POU6F2: variants seen among roughly 807,000 people sequenced by gnomAD.
POU6F2 encodes POU domain, class 6, transcription factor 2.
A neutral mutation model predicts 71.3 loss-of-function variants in POU6F2; 31 were observed. That is an observed-to-expected ratio of 0.43 (90% confidence interval 0.33 to 0.59). The LOEUF (loss-of-function observed/expected upper bound fraction) is 0.59, where lower values mean the gene tolerates loss of function less well. Ranked by LOEUF, POU6F2 falls within the 20% of genes least tolerant of loss-of-function variation. The probability of loss-of-function intolerance (pLI) is 0.04; values close to 1 mark genes in which losing one functional copy is unlikely to be tolerated. For synonymous variants in POU6F2, 347 were observed against 355.7 expected (o/e 0.98, Z 0.27); for missense variants, 783 against 856.8 (o/e 0.91, Z 1.07).
At chr7:39,131,525 C>T (rs943689579) in intron 2 of POU6F2, among the ~76,000 whole-genome samples, 10 of 152,104 alleles carry the variant, frequency 6.6e-5, no homozygotes, top group Non-Finnish European at 1.3e-4. Flanking sequence ...AGGCGGCCAC[C>T]CTTTAAGAAG....
intron 2 of POU6F2, among the ~76,000 whole-genome samples, chr7:39,139,358 A>G (rs1223499194): frequency 6.6e-6 from 1 of 152,134 alleles, no homozygotes; most frequent in Admixed American, 6.5e-5. Flanking sequence ...TGATGGGCTG[A>G]TGTTTGCTGT....
rs749386487 is a variant in POU6F2, at chr7:39,433,169, C to T, written c.1206C>T (p.Pro402=). 4 of 1,613,898 alleles carry T rather than the reference C, an allele frequency of 2.5e-6. No individual in the cohort carries two copies. Among genetic ancestry groups the T allele is most frequent in the Non-Finnish European group, 3.4e-6 (4 of 1,179,874 alleles). Reference sequence around the variant, plus strand: ...GCTTGCAAGTGCAGCCAATCACCCCCCAGCTCCTCACAAACGCCCAGGGCC... The same window carrying T: ...GCTTGCAAGTGCAGCCAATCACCCCTCAGCTCCTCACAAACGCCCAGGGCC... ...TQGLQVQPIT[P]QLLTNAQGQI... is the part of the protein sequence containing the mutation. The change falls in exon 7 of 10, where the codon CCC becomes CCT. Residue 402 remains proline, a synonymous_variant. Transcript: ENST00000518318.
intron 1 of POU6F2, among the ~76,000 whole-genome samples, chr7:39,012,077 C>T (rs913410762): frequency 3.0e-4 from 45 of 151,958 alleles, no homozygotes; most frequent in African/African-American, 9.9e-4. Context: ...GCCTGCCTTG[C>T]TAGATTGGGG....
chr7:39,285,392 G>T lies in POU6F2; in HGVS notation c.599-54250G>T, dbSNP rs117683684. ...CATGCTCATCGTATGTCGTGTATTA[G>T]TCACTCACAGTTTTCTGCCCAACTC... On this transcript the variant is annotated intron_variant, in intron 4 of 9. Coordinates refer to ENST00000518318, the MANE Select transcript of POU6F2 (RefSeq NM_001370959.1). 2.1e-3 allele frequency among the ~76,000 whole-genome samples: 317 copies of T among 152,280 alleles called. 3 individuals are homozygous for T. In the East Asian group the frequency reaches 0.03, roughly 14 times the overall value.
intron 6 of POU6F2, among the ~76,000 whole-genome samples, chr7:39,430,463 T>C (rs1788073111): frequency 6.6e-6 from 1 of 152,010 alleles, no homozygotes; most frequent in Non-Finnish European, 1.5e-5. Flanking sequence ...AAGGACAGGG[T>C]GGGGAGGAAC....
chr7:39,181,840 C>T (rs1294532831), intron 2 of POU6F2, among the ~76,000 whole-genome samples: 2 of 152,176 alleles, frequency 1.3e-5, no homozygotes, highest in Admixed American at 6.5e-5. Context: ...CTCTTCCAGC[C>T]CCAAAGATGA....
At chr7:39,015,170 C>T (rs901773829) in intron 1 of POU6F2, among the ~76,000 whole-genome samples, 1 of 148,836 alleles carries the variant, frequency 6.7e-6, no homozygotes, top group African/African-American at 2.5e-5. Flanking sequence ...AATTTATTTC[C>T]TCTTTTAAAA....
intron 1 of POU6F2, chr7:38,984,364 G>GA: frequency 6.6e-6 from 1 of 152,206 alleles, no homozygotes; most frequent in East Asian, 1.9e-4. Context: ...AGTAATAAGT[G>GA]AAAAGCGAAA....
chr7:38,979,897 T>C (rs527841706), intron 1 of POU6F2, among the ~76,000 whole-genome samples: 95 of 152,258 alleles, frequency 6.2e-4, no homozygotes, highest in African/African-American at 2.3e-3. Flanking sequence ...TCACTTGTAG[T>C]TTGTTATTCA....
intron 4 of POU6F2, among the ~76,000 whole-genome samples, chr7:39,210,320 G>A (rs1044619981): frequency 4.6e-5 from 7 of 151,898 alleles, no homozygotes; most frequent in East Asian, 1.9e-4. Context: ...GAAACAGTTC[G>A]GCCAACTGGA....
intron 2 of POU6F2, among the ~76,000 whole-genome samples, chr7:39,181,684 T>C (rs957229385): frequency 6.6e-6 from 1 of 152,166 alleles, no homozygotes; most frequent in African/African-American, 2.4e-5. Context: ...TTTCAATGAC[T>C]GTCTAAAACG....
intron 1 of POU6F2, chr7:38,984,501 T>G (rs570549050): frequency 3.3e-5 from 5 of 152,154 alleles, no homozygotes; most frequent in Non-Finnish European, 7.4e-5. Context: ...TTCTAAGTTA[T>G]TTTGTAAGCT....
At position 39,160,072 on chromosome 7, in the gene POU6F2, C is replaced by T. The variant is rs756495750; in HGVS notation, c.278-44163C>T. On this transcript the variant is annotated intron_variant, in intron 2 of 9. Coordinates refer to ENST00000518318, the MANE Select transcript of POU6F2 (RefSeq NM_001370959.1). ...AATTACCAAGGGAGACTGGGAAGTA[C>T]GAGTTGAAGAACTATCAGCAAACAT... Among the ~76,000 whole-genome samples, 5 of 152,072 alleles carry T rather than the reference C, an allele frequency of 3.3e-5. 1 individual carries two copies. The highest frequency in any genetic ancestry group is 2.0e-4 in the Admixed American group (3 of 15,256).
In POU6F2 at chr7:38,989,822, TGTGTTTGTG is replaced by T. The variant is rs1562656515; in HGVS notation, c.105+11765_105+11773del. 1.7e-4 allele frequency among the ~76,000 whole-genome samples: 20 copies of T among 118,406 alleles called. No individual in the cohort carries two copies. The East Asian group carries it at 4.6e-3, about 27-fold the overall frequency. The allele number at this position is 118,406 out of a possible 152,430, so 77.7% of individuals were successfully genotyped here. A position where few individuals can be genotyped will look rare whatever the true frequency, so the allele number is the denominator to read the frequency against. On this transcript the variant is annotated intron_variant, in intron 1 of 9. Coordinates refer to ENST00000518318, the MANE Select transcript of POU6F2 (RefSeq NM_001370959.1). ...GTGTTTGTGTGTGTGTGTGTGTGTG[TGTGTTTGTG>T]TGTGTGTGTGTGTGTGGAAAATTCC...
intron 5 of POU6F2, among the ~76,000 whole-genome samples, chr7:39,394,544 C>T (rs150312865): frequency 6.6e-6 from 1 of 152,292 alleles, no homozygotes; most frequent in East Asian, 1.9e-4. Flanking sequence ...TATTTTCCTT[C>T]TCCCACCTTC....
At chr7:39,039,771 A>C (rs1790142739) in intron 1 of POU6F2, among the ~76,000 whole-genome samples, 1 of 151,342 alleles carries the variant, frequency 6.6e-6, no homozygotes, top group African/African-American at 2.4e-5. Flanking sequence ...ATGTCTACAA[A>C]TTTGGATTTT....
At chr7:39,001,661 G>T (rs578256724) in intron 1 of POU6F2, among the ~76,000 whole-genome samples, 752 of 16,098 alleles carry the variant, frequency 0.047, 13 homozygotes, top group Non-Finnish European at 0.049. Context: ...TGGTGATAAT[G>T]GTGGTGGTGA....
intron 1 of POU6F2, among the ~76,000 whole-genome samples, chr7:39,035,288 A>G (rs1426668024): frequency 1.3e-5 from 2 of 152,148 alleles, no homozygotes; most frequent in Admixed American, 6.5e-5. Context: ...TTTCCCCTCC[A>G]GAATAAAAGT....
In POU6F2 at chr7:39,343,438, A is replaced by G. The variant is rs1785963877; in HGVS notation, c.972+3423A>G. Among the ~76,000 whole-genome samples, 3 of 152,126 alleles carry G rather than the reference A, an allele frequency of 2.0e-5. 1 individual carries two copies. In the South Asian group the frequency reaches 6.2e-4, roughly 32 times the overall value. On this transcript the variant is annotated intron_variant, in intron 5 of 9. Transcript: ENST00000518318. ...AAAAAAAAAAAAAATTCAATACGTA[A>G]TTTTAATCTGGATAGAGACCCCATA...
Sources: gnomAD v4.1 joint callset for allele counts (sites outside exome capture counted in the v4.1 genomes callset) on GRCh38, gnomAD v4.1.1 for gene constraint, MANE v1.5 for transcripts, NCBI Gene and HGNC (gene_info 2026-07-23, HGNC 2026-07-21) for gene names.